Variants in NDUFA5 observed in about 807,000 individuals in gnomAD.
NDUFA5 encodes NADH:ubiquinone oxidoreductase subunit A5.
In NDUFA5, 11 loss-of-function variants were observed where a neutral mutation model predicts 19.8. The ratio of observed to expected loss-of-function variants is 0.56; its 90% CI spans 0.35 to 0.92. The LOEUF is 0.92. Among genes scored for constraint, NDUFA5 ranks in the 40% least tolerant of loss-of-function variants. NDUFA5 has a pLI of 0.01. For synonymous variants in NDUFA5, 47 were observed against 46.8 expected (o/e 1.00, Z -0.01); for missense variants, 109 against 134.2 (o/e 0.81, Z 0.93).
the NDUFA5 span, among the ~76,000 whole-genome samples, chr7:123,582,739 T>G: frequency 6.6e-6 from 1 of 152,020 alleles, no homozygotes; most frequent in Non-Finnish European, 1.5e-5. Flanking sequence ...TCCTGGAAGC[T>G]AAGCATCACC....
the NDUFA5 span, among the ~76,000 whole-genome samples, chr7:123,575,026 G>A: frequency 2.7e-5 from 4 of 149,558 alleles, no homozygotes; most frequent in Admixed American, 2.7e-4. Flanking sequence ...CAATGAGTTA[G>A]GCTTACTTGC....
chr7:123,586,925 T>C, the NDUFA5 span, among the ~76,000 whole-genome samples: 6 of 151,550 alleles, frequency 4.0e-5, no homozygotes, highest in Non-Finnish European at 8.9e-5. Context: ...GAAAGTACTA[T>C]ATTGTCTTGT....
intron 3 of NDUFA5, chr7:123,545,879 T>G: frequency 2.2e-6 from 1 of 464,364 alleles, no homozygotes; most frequent in Non-Finnish European, 3.8e-6. Context: ...AAGTGCTAAA[T>G]GTTTATTGAC....
the NDUFA5 span, among the ~76,000 whole-genome samples, chr7:123,576,631 G>T: frequency 2.0e-5 from 3 of 152,084 alleles, no homozygotes; most frequent in African/African-American, 7.2e-5. Context: ...CGGCTTCTCT[G>T]AGCCAAATTA....
the NDUFA5 span, among the ~76,000 whole-genome samples, chr7:123,572,554 T>C: frequency 6.6e-6 from 1 of 152,128 alleles, no homozygotes; most frequent in Admixed American, 6.6e-5. Context: ...TAAAGATTGA[T>C]GTATCTTCTT....
the NDUFA5 span, among the ~76,000 whole-genome samples, chr7:123,591,193 T>C: frequency 1.3e-5 from 2 of 152,202 alleles, no homozygotes; most frequent in African/African-American, 4.8e-5. Context: ...CTTAAGGAGA[T>C]TTTGGGCTGA....
the NDUFA5 span, among the ~76,000 whole-genome samples, chr7:123,590,840 G>T: frequency 1.3e-5 from 2 of 152,150 alleles, no homozygotes; most frequent in East Asian, 1.9e-4. Context: ...GTGAACAAAG[G>T]CAGTGGTAGC....
chr7:123,567,994 G>C, the NDUFA5 span, among the ~76,000 whole-genome samples: 1 of 151,928 alleles, frequency 6.6e-6, no homozygotes, highest in Non-Finnish European at 1.5e-5. Context: ...CTTCTAAAAA[G>C]TGTCCATACT....
At chr7:123,570,340 A>G in the NDUFA5 span, among the ~76,000 whole-genome samples, 2 of 151,956 alleles carry the variant, frequency 1.3e-5, no homozygotes, top group East Asian at 1.9e-4. Flanking sequence ...CCAGCCTGCC[A>G]TAGCTCTTAT....
chr7:123,580,674 A>G, the NDUFA5 span, among the ~76,000 whole-genome samples: 2 of 152,180 alleles, frequency 1.3e-5, no homozygotes, highest in African/African-American at 4.8e-5. Context: ...TAGGGCACCC[A>G]TGTGGGTGAG....
At chr7:123,582,733 G>A in the NDUFA5 span, among the ~76,000 whole-genome samples, 15 of 151,880 alleles carry the variant, frequency 9.9e-5, no homozygotes, top group African/African-American at 2.4e-4. Flanking sequence ...GTCCCCTCCT[G>A]GAAGCTAAGC....
chr7:123,545,731 T>C, intron 3 of NDUFA5, 55 bp from the exon 4 acceptor site: 1 of 1,146,632 alleles, frequency 8.7e-7, no homozygotes, highest in South Asian at 1.4e-5. Flanking sequence ...AATGTTTCAA[T>C]ATCCTATATA....
At position 123,537,800 on chromosome 7, in the gene NDUFA5, A is replaced by G. The variant is rs1375720092; in HGVS notation, c.*4319T>C. On this transcript the variant is annotated 3_prime_UTR_variant, in exon 5 of 5. Coordinates refer to ENST00000355749, the MANE Select transcript of NDUFA5 (RefSeq NM_005000.5). ...GAAAAATAATTCACCCTCCAGTTAT[A>G]GAGAGATTAAAATGCCAATATTTTG... is the stretch of plus-strand genomic sequence containing the variant. The G allele has an allele frequency of 6.6e-6, 1 of 150,976 alleles. No homozygotes were observed. Among genetic ancestry groups the G allele is most frequent in the African/African-American group, 2.4e-5 (1 of 41,148 alleles). 9.4% of individuals were successfully genotyped at this position (150,976 alleles called of 1,614,324 possible).
the NDUFA5 span, chr7:123,584,739 G>A: frequency 6.6e-6 from 1 of 151,856 alleles, no homozygotes; most frequent in Admixed American, 6.6e-5. Context: ...TTCTATTCAC[G>A]AAGAAATAAA....
the NDUFA5 span, among the ~76,000 whole-genome samples, chr7:123,571,141 A>G: frequency 2.0e-5 from 3 of 152,348 alleles, no homozygotes; most frequent in African/African-American, 7.2e-5. Context: ...ATTTACCATA[A>G]AAACAAATAC....
At chr7:123,554,435 T>C (rs561541245) in intron 2 of NDUFA5, among the ~76,000 whole-genome samples, 10 of 149,362 alleles carry the variant, frequency 6.7e-5, no homozygotes, top group Admixed American at 4.7e-4. Context: ...AGGTTTCAGT[T>C]ACTAATAGTC....
At chr7:123,590,329 G>C in the NDUFA5 span, among the ~76,000 whole-genome samples, 2 of 152,144 alleles carry the variant, frequency 1.3e-5, no homozygotes, top group Non-Finnish European at 2.9e-5. Context: ...AGTTTAATTA[G>C]ATCCCATTTG....
At chr7:123,569,546 T>C in the NDUFA5 span, among the ~76,000 whole-genome samples, 1 of 152,132 alleles carries the variant, frequency 6.6e-6, no homozygotes, top group South Asian at 2.1e-4. Context: ...GACCATAAAA[T>C]CTGGAAGGAA....
rs1411621047 is a variant in NDUFA5 at position 123,545,794 on chromosome 7, ACT to A, written c.184-120_184-119del. 4.7e-6 allele frequency: 3 copies of A among 632,088 alleles called. No homozygotes were observed. The African/African-American group carries it at 5.7e-5, about 12-fold the overall frequency. The allele number at this position is 632,088 out of a possible 1,614,324, so 39.2% of individuals were successfully genotyped here. ...AAAAATACAACTTTTCTTTCATCAT[ACT>A]CTTTTTACTAAATATTTGGTGAAAA... On this transcript the variant is annotated intron_variant, in intron 3 of 4. Coordinates refer to ENST00000355749, the MANE Select transcript of NDUFA5 (RefSeq NM_005000.5).
Sources: gnomAD v4.1 joint callset for allele counts (sites outside exome capture counted in the v4.1 genomes callset) on GRCh38, gnomAD v4.1.1 for gene constraint, MANE v1.5 for transcripts, NCBI Gene and HGNC (gene_info 2026-07-23, HGNC 2026-07-21) for gene names.